GRID2: variants seen among roughly 807,000 people sequenced by gnomAD.
GRID2 encodes glutamate ionotropic receptor delta type subunit 2.
GRID2 carries 33 observed loss-of-function variants against 114.8 expected under a neutral mutation model. The ratio of observed to expected loss-of-function variants is 0.29; its 90% CI spans 0.22 to 0.38. The LOEUF is 0.38. Ranked by LOEUF, GRID2 falls within the 10% of genes least tolerant of loss-of-function variation. The pLI is 1.00. For synonymous variants in GRID2, 505 were observed against 449.9 expected, an observed-to-expected ratio of 1.12 and a Z score of -1.55; for missense variants, 1,184 against 1,257.7, an observed-to-expected ratio of 0.94 and a Z score of 0.89.
intron 1 of GRID2, among the ~76,000 whole-genome samples, chr4:92,480,312 T>C (rs1320848133): frequency 6.6e-6 from 1 of 152,132 alleles, no homozygotes; most frequent in Non-Finnish European, 1.5e-5. Context: ...AAATTTTATT[T>C]TCATAAGTTT....
At chr4:92,325,889 T>G (rs1414645247) in intron 1 of GRID2, among the ~76,000 whole-genome samples, 1 of 151,838 alleles carries the variant, frequency 6.6e-6, no homozygotes, top group Non-Finnish European at 1.5e-5. Flanking sequence ...TCTTAATTTC[T>G]TAATTTCTTT....
intron 1 of GRID2, among the ~76,000 whole-genome samples, chr4:92,444,903 A>G (rs1733366655): frequency 6.6e-6 from 1 of 152,172 alleles, no homozygotes; most frequent in Non-Finnish European, 1.5e-5. Context: ...AAAAGTGAAG[A>G]CTTTTTTTTC....
intron 2 of GRID2, among the ~76,000 whole-genome samples, chr4:92,702,082 G>A (rs1734701579): frequency 6.6e-6 from 1 of 152,094 alleles, no homozygotes; most frequent in African/African-American, 2.4e-5. Context: ...TTTGTTCAAT[G>A]ATTAAAGTCC....
chr4:93,528,200 C>A (rs768665131), intron 13 of GRID2, among the ~76,000 whole-genome samples: 5 of 151,598 alleles, frequency 3.3e-5, no homozygotes, highest in Non-Finnish European at 5.9e-5. Context: ...ATATATCCTG[C>A]ATTTTGTTTA....
At position 93,236,790 on chromosome 4, in the gene GRID2, T is replaced by C. The variant is rs551689314; in HGVS notation, c.1126-1581T>C. On this transcript the variant is annotated intron_variant, in intron 7 of 15. Coordinates refer to ENST00000282020, the MANE Select transcript of GRID2 (RefSeq NM_001510.4). ...TGAGTTGACATTTGCAAAAATATTT[T>C]CCAAAGCCATCTAAATATTTAAGCG... 4.6e-5 allele frequency among the ~76,000 whole-genome samples: 7 copies of C among 152,134 alleles called. No individual in the cohort carries two copies. The South Asian group carries it at 1.4e-3, about 31-fold the overall frequency.
intron 1 of GRID2, among the ~76,000 whole-genome samples, chr4:92,389,366 T>C (rs1375878831): frequency 6.6e-6 from 1 of 152,056 alleles, no homozygotes; most frequent in African/African-American, 2.4e-5. Flanking sequence ...TCTTGTCTGA[T>C]AGAAAATCAG....
intron 12 of GRID2, among the ~76,000 whole-genome samples, chr4:93,514,405 T>G (rs922460047): frequency 1.4e-4 from 19 of 135,242 alleles, no homozygotes; most frequent in African/African-American, 5.3e-4. Context: ...TAGAAATCGC[T>G]CCCCCCACCT....
At chr4:92,766,293 C>A (rs1191197922) in intron 2 of GRID2, among the ~76,000 whole-genome samples, 1 of 152,026 alleles carries the variant, frequency 6.6e-6, no homozygotes, top group Admixed American at 6.6e-5. Flanking sequence ...AATTCCAGCA[C>A]TTTGGGAGGC....
Position 93,774,274 on chromosome 4 carries a change from T to G in GRID2, c.*1776T>G, listed in dbSNP as rs1734294221. The G allele has an allele frequency of 6.6e-6, 1 of 152,104 alleles. No homozygotes were observed. The highest frequency in any genetic ancestry group is 2.4e-5 in the African/African-American group (1 of 41,430). 9.4% of individuals were successfully genotyped at this position (152,104 alleles called of 1,614,324 possible). On this transcript the variant is annotated 3_prime_UTR_variant, in exon 16 of 16. Transcript: ENST00000282020. Reference sequence around the variant, plus strand: ...CCAGGGTAACAAGTAACTAAGTGCATGCACAACTTGTTTTCCCTTGTAACA... The same window carrying G: ...CCAGGGTAACAAGTAACTAAGTGCAGGCACAACTTGTTTTCCCTTGTAACA...
intron 2 of GRID2, among the ~76,000 whole-genome samples, chr4:93,031,147 G>A (rs547036372): frequency 2.9e-4 from 43 of 150,074 alleles, no homozygotes; most frequent in African/African-American, 1.1e-3. Flanking sequence ...CCAGGTTCTA[G>A]TGATCCTCCT....
intron 13 of GRID2, among the ~76,000 whole-genome samples, chr4:93,617,522 C>T (rs546306379): frequency 3.3e-5 from 5 of 152,214 alleles, no homozygotes; most frequent in South Asian, 2.1e-4. Flanking sequence ...GGTTATTTGC[C>T]TCCCTGATCC....
intron 13 of GRID2, among the ~76,000 whole-genome samples, chr4:93,542,692 G>T (rs1048163489): frequency 3.3e-5 from 5 of 152,044 alleles, no homozygotes; most frequent in Non-Finnish European, 5.9e-5. Flanking sequence ...AGAAGAGGTG[G>T]GTCTGGTCGC....
intron 1 of GRID2, among the ~76,000 whole-genome samples, chr4:92,357,788 C>T (rs1328995084): frequency 6.6e-6 from 1 of 151,732 alleles, no homozygotes; most frequent in East Asian, 1.9e-4. Context: ...ATTTTAAATA[C>T]AGTTTTAAAA....
chr4:93,367,322 T>C (rs895553612), intron 8 of GRID2, among the ~76,000 whole-genome samples: 1 of 151,766 alleles, frequency 6.6e-6, no homozygotes, highest in African/African-American at 2.4e-5. Flanking sequence ...CACCCAGTCA[T>C]GCCATCATCA....
intron 1 of GRID2, among the ~76,000 whole-genome samples, chr4:92,466,967 T>C (rs889087333): frequency 6.6e-6 from 1 of 151,774 alleles, no homozygotes; most frequent in Non-Finnish European, 1.5e-5. Flanking sequence ...GTAGAGAGAC[T>C]CAATTTGTTT....
intron 11 of GRID2, among the ~76,000 whole-genome samples, chr4:93,457,716 G>T (rs940109769): frequency 3.3e-5 from 5 of 152,038 alleles, no homozygotes; most frequent in African/African-American, 7.2e-5. Flanking sequence ...GTGGTGTGGG[G>T]GTCAGTACTG....
At chr4:93,385,184 A>C (rs927514929) in intron 8 of GRID2, among the ~76,000 whole-genome samples, 1 of 152,218 alleles carries the variant, frequency 6.6e-6, no homozygotes, top group Non-Finnish European at 1.5e-5. Context: ...GAAAGGAAGA[A>C]TCATACAGTG....
chr4:93,653,175 A>C (rs866881159), intron 14 of GRID2, among the ~76,000 whole-genome samples: 3 of 152,194 alleles, frequency 2.0e-5, no homozygotes, highest in African/African-American at 7.2e-5. Context: ...GGGGGGAAAA[A>C]GTTTGGAAAC....
intron 2 of GRID2, among the ~76,000 whole-genome samples, chr4:92,594,556 CTG>C (rs1728858067): frequency 6.6e-6 from 1 of 151,804 alleles, no homozygotes; most frequent in South Asian, 2.1e-4. Flanking sequence ...CCTAGTTTTT[CTG>C]TGTCTGACTT....
Sources: gnomAD v4.1 joint callset for allele counts (sites outside exome capture counted in the v4.1 genomes callset) on GRCh38, gnomAD v4.1.1 for gene constraint, MANE v1.5 for transcripts, NCBI Gene and HGNC (gene_info 2026-07-23, HGNC 2026-07-21) for gene names.